The following CPS1 variants were observed in gnomAD, a reference collection of about 807,000 sequenced individuals.
The protein encoded by CPS1 is carbamoyl-phosphate synthase [ammonia], mitochondrial.
CPS1 carries 109 observed loss-of-function variants against 174.6 expected under a neutral mutation model. The ratio of observed to expected loss-of-function variants is 0.62; its 90% CI spans 0.53 to 0.73. The LOEUF (loss-of-function observed/expected upper bound fraction) is 0.73, where lower values mean the gene tolerates loss of function less well. Ranked by LOEUF, CPS1 falls within the 30% of genes least tolerant of loss-of-function variation. The probability of loss-of-function intolerance (pLI) is 0.00; values close to 1 mark genes in which losing one functional copy is unlikely to be tolerated. For synonymous variants in CPS1, 637 were observed against 632.0 expected (o/e 1.01, Z -0.12); for missense variants, 1,689 against 1,821.9 (o/e 0.93, Z 1.33).
upstream of CPS1, chr2:210,556,237 CAG>C (rs1696908343): frequency 2.4e-6 from 1 of 409,366 alleles, no homozygotes; most frequent in African/African-American, 2.1e-5. Context: ...TTTACCCCAA[CAG>C]AAAATGGCAA....
At chr2:210,583,936 G>C (rs1191532172) in intron 6 of CPS1, among the ~76,000 whole-genome samples, 1 of 152,110 alleles carries the variant, frequency 6.6e-6, no homozygotes, top group Non-Finnish European at 1.5e-5. Context: ...AACCTAGGCC[G>C]CTTATACAAA....
At chr2:210,631,828 T>C (rs1183562254) in intron 21 of CPS1, among the ~76,000 whole-genome samples, 3 of 152,220 alleles carry the variant, frequency 2.0e-5, no homozygotes, top group African/African-American at 7.2e-5. Flanking sequence ...ATTTAATGTG[T>C]ATATGTTCAA....
At chr2:210,623,354 A>G (rs1452958278) in intron 21 of CPS1, among the ~76,000 whole-genome samples, 1 of 152,098 alleles carries the variant, frequency 6.6e-6, no homozygotes, top group Non-Finnish European at 1.5e-5. Flanking sequence ...TTGTTGACAT[A>G]AACTTTACTA....
At chr2:210,557,203 CT>C (rs1297070979) in intron 1 of CPS1, among the ~76,000 whole-genome samples, 1 of 152,004 alleles carries the variant, frequency 6.6e-6, no homozygotes, top group East Asian at 1.9e-4. Flanking sequence ...AATGGAGCTG[CT>C]TATATGTGTG....
intron 1 of CPS1, among the ~76,000 whole-genome samples, chr2:210,504,404 A>G (rs1199419472): frequency 1.3e-5 from 2 of 152,232 alleles, no homozygotes; most frequent in African/African-American, 2.4e-5. Context: ...TATTCTGGAT[A>G]TTGTTTTAAT....
At chr2:210,480,191 G>C (rs1694522162) in intron 1 of CPS1, among the ~76,000 whole-genome samples, 1 of 152,142 alleles carries the variant, frequency 6.6e-6, no homozygotes, top group African/African-American at 2.4e-5. Context: ...GCTGGTCATA[G>C]GTGTGTCGGT....
intron 1 of CPS1, among the ~76,000 whole-genome samples, chr2:210,568,235 A>G (rs1697364263): frequency 6.6e-6 from 1 of 152,132 alleles, no homozygotes; most frequent in Admixed American, 6.6e-5. Flanking sequence ...CAGTACCAGG[A>G]TGTAAAAGGC....
rs1332730639 is a variant in CPS1, at chr2:210,509,390, A to G, written c.3+31624A>G. Among the ~76,000 whole-genome samples, 6 of 152,204 alleles carry G rather than the reference A, an allele frequency of 3.9e-5. No individual in the cohort carries two copies. In the East Asian group the frequency reaches 9.6e-4, roughly 24 times the overall value. ...TTGATGGGACATATCTCAAAATAAT[A>G]AGAGCTATCTATGACAAACCCACAG... is the stretch of plus-strand genomic sequence containing the variant. On this transcript the variant is annotated intron_variant, in intron 1 of 38. Transcript: ENST00000430249.
intron 21 of CPS1, among the ~76,000 whole-genome samples, chr2:210,627,656 A>G (rs1304159814): frequency 1.3e-5 from 2 of 152,072 alleles, no homozygotes; most frequent in Non-Finnish European, 2.9e-5. Flanking sequence ...ACCCGAGAGC[A>G]CTCTCTCTCT....
intron 1 of CPS1, among the ~76,000 whole-genome samples, chr2:210,535,344 C>A (rs1267475520): frequency 6.6e-6 from 1 of 152,180 alleles, no homozygotes; most frequent in African/African-American, 2.4e-5. Flanking sequence ...TCAATAGGCT[C>A]AATCTCTCTT....
At chr2:210,512,159 C>G (rs1475139539) in intron 1 of CPS1, among the ~76,000 whole-genome samples, 3 of 151,966 alleles carry the variant, frequency 2.0e-5, no homozygotes, top group Non-Finnish European at 4.4e-5. Context: ...TGGATGGTGA[C>G]TTTTATGTGT....
At chr2:210,594,262 A>AT (rs1258912624) in intron 11 of CPS1, among the ~76,000 whole-genome samples, 1 of 151,978 alleles carries the variant, frequency 6.6e-6, no homozygotes, top group Non-Finnish European at 1.5e-5. Context: ...AAGGTATCTG[A>AT]TATGTTTACT....
intron 5 of CPS1, among the ~76,000 whole-genome samples, chr2:210,581,246 T>A (rs1192556318): frequency 6.6e-6 from 1 of 152,110 alleles, no homozygotes; most frequent in Non-Finnish European, 1.5e-5. Context: ...AATTGGCAGG[T>A]TGAATAAAAT....
chr2:210,629,778 C>T (rs1200427470), intron 21 of CPS1, among the ~76,000 whole-genome samples: 14 of 149,374 alleles, frequency 9.4e-5, no homozygotes, highest in Non-Finnish European at 1.6e-4. Flanking sequence ...GGGCCGGGCT[C>T]GGTGGCTCAC....
At chr2:210,479,548 T>C (rs979829018) in intron 1 of CPS1, among the ~76,000 whole-genome samples, 4 of 152,096 alleles carry the variant, frequency 2.6e-5, no homozygotes, top group African/African-American at 7.2e-5. Flanking sequence ...AGGCTGGTCT[T>C]GAACTCCTGA....
At position 210,526,356 on chromosome 2, in the gene CPS1, A is replaced by T. The variant is rs144021376; in HGVS notation, c.4-30363A>T. 2.0e-5 allele frequency among the ~76,000 whole-genome samples: 3 copies of T among 150,320 alleles called. No individual in the cohort carries two copies. The East Asian group carries it at 5.9e-4, about 30-fold the overall frequency. On this transcript the variant is annotated intron_variant, in intron 1 of 38. Coordinates refer to the CPS1 transcript ENST00000430249. ...TGTAACAAACCTGCACATTCTGTAC[A>T]TGTATCCCAGACCTTAAAATATATT... is the stretch of plus-strand genomic sequence containing the variant.
At chr2:210,559,674 G>A (rs6744672) in intron 1 of CPS1, among the ~76,000 whole-genome samples, 70,375 of 151,898 alleles carry the variant, frequency 0.46, 16,943 homozygotes, top group African/African-American at 0.58. Flanking sequence ...CTGTAACAGT[G>A]TAATAGTGGG....
intron 33 of CPS1, 31 bp from the exon 34 acceptor site, chr2:210,668,155 C>G (rs199557924): frequency 2.5e-4 from 388 of 1,523,254 alleles, no homozygotes; most frequent in Non-Finnish European, 3.3e-4. Flanking sequence ...TTTGCATCCT[C>G]TATTTTAATT....
At chr2:210,573,484 T>C in intron 2 of CPS1, 77 bp downstream of exon 2, 1 of 1,097,164 alleles carries the variant, frequency 9.1e-7, no homozygotes, top group Non-Finnish European at 1.4e-6. Flanking sequence ...TGGTGGTAAG[T>C]TGAAATCACT....
Sources: gnomAD v4.1 joint callset for allele counts (sites outside exome capture counted in the v4.1 genomes callset) on GRCh38, gnomAD v4.1.1 for gene constraint, MANE v1.5 for transcripts, NCBI Gene and HGNC (gene_info 2026-07-23, HGNC 2026-07-21) for gene names.